Variants in ANXA10 observed in about 807,000 individuals in gnomAD.
The protein encoded by ANXA10 is annexin A10.
Under a neutral mutation model 53.5 loss-of-function variants are expected in ANXA10, and 49 were observed. The observed-to-expected ratio is 0.92, with a 90% CI of 0.73 to 1.16. The LOEUF is 1.16. ANXA10 is among the 50% of genes most tolerant of loss of function. The pLI is 0.00. For missense variants in ANXA10, 393 were observed against 394.4 expected (o/e 1.00, Z 0.03); for synonymous variants, 131 against 128.9 (o/e 1.02, Z -0.11).
intron 5 of ANXA10, among the ~76,000 whole-genome samples, chr4:168,164,589 C>G (rs1245044403): frequency 6.6e-6 from 1 of 152,096 alleles, no homozygotes; most frequent in African/African-American, 2.4e-5. Context: ...GGCATTTCAC[C>G]TCTTACCCAG....
chr4:168,115,181 C>G (rs560203117), intron 1 of ANXA10, among the ~76,000 whole-genome samples: 1 of 152,216 alleles, frequency 6.6e-6, no homozygotes, highest in East Asian at 1.9e-4. Context: ...CTGTGCCCAG[C>G]CTCTGTACCT....
In ANXA10 at chr4:168,182,630, G is replaced by C. The variant is rs1385643157; in HGVS notation, c.783+889G>C. ...TTACAGGCGTGAGCCACCGCGCCCG[G>C]CCTGGAGCGTTCATTTTTTTAAAAA... is the stretch of plus-strand genomic sequence containing the variant. On this transcript the variant is annotated intron_variant, in intron 10 of 11. Transcript: ENST00000359299. Among the ~76,000 whole-genome samples, 5 of 149,726 alleles carry C rather than the reference G, an allele frequency of 3.3e-5. No homozygotes were observed. The South Asian group carries it at 1.1e-3, about 32-fold the overall frequency.
At chr4:168,093,608 C>T (rs1730494660) in intron 1 of ANXA10, among the ~76,000 whole-genome samples, 1 of 152,004 alleles carries the variant, frequency 6.6e-6, no homozygotes, top group Non-Finnish European at 1.5e-5. Context: ...ACCCGGGAGG[C>T]GGAGCTTGCA....
At chr4:168,162,413 G>A in intron 3 of ANXA10, 115 bp from the exon 4 acceptor site, 1 of 732,644 alleles carries the variant, frequency 1.4e-6, no homozygotes, top group Admixed American at 2.2e-5. Flanking sequence ...GACTTGTTAT[G>A]CTGTTATTAT....
chr4:168,094,578 T>C (rs2319706), intron 1 of ANXA10, among the ~76,000 whole-genome samples: 80,794 of 151,738 alleles, frequency 0.53, 22,628 homozygotes, highest in Non-Finnish European at 0.63. Flanking sequence ...GGGTAGTAAT[T>C]GACTGAGTTG....
chr4:168,141,982 C>T (rs1359439736), intron 3 of ANXA10, among the ~76,000 whole-genome samples: 1 of 152,116 alleles, frequency 6.6e-6, no homozygotes, highest in Non-Finnish European at 1.5e-5. Context: ...CTGCTCATTA[C>T]CACCACCCCA....
chr4:168,148,438 T>A (rs1451543185), intron 3 of ANXA10, among the ~76,000 whole-genome samples: 3 of 152,200 alleles, frequency 2.0e-5, no homozygotes, highest in Admixed American at 1.3e-4. Flanking sequence ...GTGCTGGGAT[T>A]ACAGGCATGA....
chr4:168,161,570 T>C (rs1731783923), intron 3 of ANXA10, among the ~76,000 whole-genome samples: 1 of 152,188 alleles, frequency 6.6e-6, no homozygotes, highest in Non-Finnish European at 1.5e-5. Context: ...ATATGAATTT[T>C]AAAATAGTTT....
chr4:168,182,223 A>G (rs2149481962), intron 10 of ANXA10, among the ~76,000 whole-genome samples: 1 of 152,108 alleles, frequency 6.6e-6, no homozygotes, highest in South Asian at 2.1e-4. Flanking sequence ...AGTGATAACT[A>G]GAAAACCATA....
intron 1 of ANXA10, among the ~76,000 whole-genome samples, chr4:168,120,121 ATTAT>A (rs1286218984): frequency 2.0e-5 from 3 of 152,032 alleles, no homozygotes; most frequent in Non-Finnish European, 4.4e-5. Flanking sequence ...CTCATGAAAG[ATTAT>A]TTATAAGTTT....
intron 1 of ANXA10, among the ~76,000 whole-genome samples, chr4:168,095,059 A>G (rs1730518857): frequency 6.6e-6 from 1 of 152,128 alleles, no homozygotes; most frequent in Non-Finnish European, 1.5e-5. Flanking sequence ...ATATTATAAT[A>G]GCTCTCTTAG....
chr4:168,101,498 T>C (rs1019992594), intron 1 of ANXA10, among the ~76,000 whole-genome samples: 3 of 139,292 alleles, frequency 2.2e-5, no homozygotes, highest in East Asian at 5.1e-4. Flanking sequence ...TGTGTTTTTT[T>C]TGGGGGGGAA....
chr4:168,184,800 G>A lies in ANXA10; in HGVS notation c.906+119G>A. 3 of 1,351,920 alleles carry A rather than the reference G, an allele frequency of 2.2e-6. No homozygotes were observed. The South Asian group carries it at 4.2e-5, about 19-fold the overall frequency. The allele number at this position is 1,351,920 out of a possible 1,614,324, so 83.7% of individuals were successfully genotyped here. ...CTAAAAAGTTAACTATTCAGACAGG[G>A]ATAACCTAGTTTTTTTCCTCTACAC... On this transcript the variant is annotated intron_variant, in intron 11 of 11. Transcript: ENST00000359299.
At chr4:168,176,866 G>T (rs547882336) in intron 6 of ANXA10, among the ~76,000 whole-genome samples, 1 of 152,150 alleles carries the variant, frequency 6.6e-6, no homozygotes, top group South Asian at 2.1e-4. Context: ...CACGCATAGT[G>T]GCACACGCCT....
At chr4:168,120,713 T>G (rs970111628) in intron 1 of ANXA10, among the ~76,000 whole-genome samples, 2 of 152,094 alleles carry the variant, frequency 1.3e-5, no homozygotes, top group Non-Finnish European at 2.9e-5. Context: ...CATCTAAAAT[T>G]GAAAAATTGT....
At chr4:168,156,980 C>T (rs935326910) in intron 3 of ANXA10, among the ~76,000 whole-genome samples, 4 of 151,954 alleles carry the variant, frequency 2.6e-5, no homozygotes, top group Non-Finnish European at 4.4e-5. Context: ...CTCTAGGGCA[C>T]CAATATTAAT....
At chr4:168,119,364 G>A (rs1393563926) in intron 1 of ANXA10, among the ~76,000 whole-genome samples, 3 of 152,152 alleles carry the variant, frequency 2.0e-5, no homozygotes, top group Admixed American at 6.6e-5. Context: ...CAAAATGATT[G>A]CAGATGTCCT....
chr4:168,154,249 AC>A, intron 3 of ANXA10, among the ~76,000 whole-genome samples: 1 of 152,240 alleles, frequency 6.6e-6, no homozygotes, highest in South Asian at 2.1e-4. Flanking sequence ...TTTATCCTTT[AC>A]CAAGTTTTTC....
chr4:168,165,894 C>G (rs1335087152), intron 6 of ANXA10, among the ~76,000 whole-genome samples: 2 of 152,116 alleles, frequency 1.3e-5, no homozygotes, highest in Non-Finnish European at 2.9e-5. Flanking sequence ...CAAGGCTGGT[C>G]TCAAACTCCT....
Sources: allele counts gnomAD v4.1 joint callset (sites outside exome capture counted in the v4.1 genomes callset), GRCh38; gene constraint gnomAD v4.1.1; transcripts MANE v1.5; gene names NCBI Gene and HGNC (gene_info 2026-07-23, HGNC 2026-07-21).